Variants in CYRIA observed in about 807,000 individuals in gnomAD.
CYRIA encodes the protein CYFIP related Rac1 interactor A.
Under a neutral mutation model 43.9 loss-of-function variants are expected in CYRIA, and 15 were observed. The observed-to-expected ratio is 0.34, with a 90% CI of 0.23 to 0.53. The LOEUF (loss-of-function observed/expected upper bound fraction) is 0.53, where lower values mean the gene tolerates loss of function less well. CYRIA is among the 20% of genes least tolerant of loss of function. The pLI is 0.94. For missense variants in CYRIA, 236 were observed against 394.2 expected (o/e 0.60, Z 3.40); for synonymous variants, 117 against 136.0 (o/e 0.86, Z 0.97).
chr2:16,555,621 C>T lies in CYRIA; in HGVS notation c.838-482G>A, dbSNP rs998155004. ...CTGTTTGACTGGCAAACCCTTAACA[C>T]TTATTTTAGACCCAGCTGAAGATCA... On this transcript the variant is annotated intron_variant, in intron 10 of 11. Transcript: ENST00000381323. Among the ~76,000 whole-genome samples the T allele has an allele frequency of 5.3e-5, 8 of 152,254 alleles. No individual in the cohort carries two copies. In the South Asian group the frequency reaches 8.3e-4, roughly 16 times the overall value.
In CYRIA at chr2:16,650,542, C is replaced by G. The variant is rs1264043933; in HGVS notation, c.-167+15238G>C. 6.6e-6 allele frequency among the ~76,000 whole-genome samples: 1 copy of G among 152,216 alleles called. No individual in the cohort carries two copies. The highest frequency in any genetic ancestry group is 1.9e-4 in the East Asian group (1 of 5,196). ...AATAGAACAAATGCAGAACCTTCTCCGTTAAGCTTCATGGGCTGGCAGCCC... is the reference window on the plus strand; with the variant it reads ...AATAGAACAAATGCAGAACCTTCTCGGTTAAGCTTCATGGGCTGGCAGCCC... On this transcript the variant is annotated intron_variant, in intron 1 of 11. Coordinates refer to ENST00000381323, the MANE Select transcript of CYRIA (RefSeq NM_030797.4). This position sits in a 1 kb window ranked among gnomAD's most constrained non-coding sequence, Gnocchi z 4.1.
At chr2:16,638,859 T>C (rs184742300) in intron 1 of CYRIA, among the ~76,000 whole-genome samples, 96 of 152,216 alleles carry the variant, frequency 6.3e-4, no homozygotes, top group Non-Finnish European at 1.2e-3. Flanking sequence ...TCAAGTGACT[T>C]CACCAAGCCT....
chr2:16,664,034 A>C (rs1054555328), intron 1 of CYRIA, among the ~76,000 whole-genome samples: 1 of 152,220 alleles, frequency 6.6e-6, no homozygotes, highest in Non-Finnish European at 1.5e-5. Context: ...CCTCATCTGC[A>C]AAGTGGAAAG....
In CYRIA at chr2:16,660,563, G is replaced by T. The variant is rs182822017; in HGVS notation, c.-167+5217C>A. Among the ~76,000 whole-genome samples the T allele has an allele frequency of 1.9e-3, 293 of 152,296 alleles. 1 individual carries two copies. Among genetic ancestry groups the T allele is most frequent in the Non-Finnish European group, 2.6e-3 (180 of 68,028 alleles). On this transcript the variant is annotated intron_variant, in intron 1 of 11. Coordinates refer to ENST00000381323, the MANE Select transcript of CYRIA (RefSeq NM_030797.4). ...GAGGGAGAGCTACTTGAGGGCAGGG[G>T]TAATGTCATATTGATCACTGTATCC...
At chr2:16,619,131 T>G (rs1668909152) in intron 2 of CYRIA, among the ~76,000 whole-genome samples, 1 of 152,148 alleles carries the variant, frequency 6.6e-6, no homozygotes, top group Non-Finnish European at 1.5e-5. Context: ...TACCACGAAG[T>G]GCAGAGATCT....
intron 3 of CYRIA, among the ~76,000 whole-genome samples, chr2:16,575,947 C>T (rs1361925052): frequency 1.3e-5 from 2 of 152,136 alleles, no homozygotes; most frequent in Non-Finnish European, 2.9e-5. Context: ...TCTTTGCCTG[C>T]TGCCATCCAG....
chr2:16,602,602 T>C (rs1489388858), intron 2 of CYRIA, among the ~76,000 whole-genome samples: 1 of 152,144 alleles, frequency 6.6e-6, no homozygotes, highest in East Asian at 1.9e-4. Context: ...CTGGACTTCA[T>C]AATATACAGG....
intron 2 of CYRIA, among the ~76,000 whole-genome samples, chr2:16,607,387 G>A (rs920359150): frequency 2.6e-5 from 4 of 152,130 alleles, no homozygotes; most frequent in Non-Finnish European, 5.9e-5. Flanking sequence ...CTGAGTCGAC[G>A]AAGTTAGCCA....
intron 3 of CYRIA, among the ~76,000 whole-genome samples, chr2:16,586,254 A>C (rs1462796839): frequency 6.6e-6 from 1 of 152,180 alleles, no homozygotes; most frequent in African/African-American, 2.4e-5. Flanking sequence ...CAACAATGTA[A>C]AATGCATCTG....
Position 16,614,093 on chromosome 2 carries a change from A to T in CYRIA, c.-11+9771T>A, listed in dbSNP as rs369795820. On this transcript the variant is annotated intron_variant, in intron 2 of 11. Coordinates refer to ENST00000381323, the MANE Select transcript of CYRIA (RefSeq NM_030797.4). ...TGGAATCCTACCACAAGCTTATCAGAATGAGTTTCTATAACTCATTTAAAC... is the reference window on the plus strand; with the variant it reads ...TGGAATCCTACCACAAGCTTATCAGTATGAGTTTCTATAACTCATTTAAAC... 2.6e-5 allele frequency among the ~76,000 whole-genome samples: 4 copies of T among 152,368 alleles called. No homozygotes were observed. The East Asian group carries it at 7.7e-4, about 29-fold the overall frequency.
At chr2:16,656,679 G>T (rs1262973261) in intron 1 of CYRIA, among the ~76,000 whole-genome samples, 8 of 152,232 alleles carry the variant, frequency 5.3e-5, no homozygotes, top group Admixed American at 3.3e-4. Context: ...TTTTGATCTG[G>T]AAAATGTCAG....
chr2:16,587,222 T>C (rs918781049), intron 3 of CYRIA, among the ~76,000 whole-genome samples: 1 of 152,142 alleles, frequency 6.6e-6, no homozygotes, highest in African/African-American at 2.4e-5. Flanking sequence ...TTGATCACAA[T>C]TTTCTTTCAC....
chr2:16,588,206 C>G lies in CYRIA; in HGVS notation c.-10-77G>C, dbSNP rs950509580. The G allele has an allele frequency of 2.2e-5, 19 of 881,972 alleles. 1 individual carries two copies. The African/African-American group carries it at 2.6e-4, about 12-fold the overall frequency. The allele number at this position is 881,972 out of a possible 1,614,324, so 54.6% of individuals were successfully genotyped here. A position where few individuals can be genotyped will look rare whatever the true frequency, so the allele number is the denominator to read the frequency against. On this transcript the variant is annotated intron_variant, in intron 2 of 11. Transcript: ENST00000381323. ...ACTTGCGTGAATATCCCTGGGCCCC[C>G]CATAGCTACCTTTGAAGACCAGAAA...
intron 10 of CYRIA, among the ~76,000 whole-genome samples, chr2:16,558,183 CTA>C (rs1292876597): frequency 6.6e-6 from 1 of 152,048 alleles, no homozygotes; most frequent in Non-Finnish European, 1.5e-5. Flanking sequence ...ATTTAATTTA[CTA>C]TGTCTTGATT....
At chr2:16,587,255 T>C (rs894768221) in intron 3 of CYRIA, among the ~76,000 whole-genome samples, 4 of 152,154 alleles carry the variant, frequency 2.6e-5, no homozygotes, top group East Asian at 1.9e-4. Flanking sequence ...TTGTTTTATA[T>C]GAATCTTTGT....
At chr2:16,660,786 G>C (rs1394785872) in intron 1 of CYRIA, among the ~76,000 whole-genome samples, 1 of 152,134 alleles carries the variant, frequency 6.6e-6, no homozygotes, top group African/African-American at 2.4e-5. Context: ...GCAGACACCA[G>C]ACTCAGGCCC....
intron 1 of CYRIA, among the ~76,000 whole-genome samples, chr2:16,629,470 T>C (rs957184808): frequency 5.3e-5 from 8 of 152,222 alleles, no homozygotes; most frequent in African/African-American, 1.9e-4. Flanking sequence ...ACAGGTAAAG[T>C]GCAGAGCTAA....
At chr2:16,556,110 T>C (rs962073258) in intron 10 of CYRIA, among the ~76,000 whole-genome samples, 6 of 152,142 alleles carry the variant, frequency 3.9e-5, no homozygotes, top group African/African-American at 1.4e-4. Context: ...TGGATTTGGT[T>C]ATACTTAGGG....
At chr2:16,565,878 C>T in intron 3 of CYRIA, 111 bp from the exon 4 acceptor site, 2 of 1,054,104 alleles carry the variant, frequency 1.9e-6, no homozygotes, top group Non-Finnish European at 2.5e-6. Context: ...TCCTGCTGCT[C>T]TGGTATTTAC....
Sources: allele counts gnomAD v4.1 joint callset (sites outside exome capture counted in the v4.1 genomes callset), GRCh38; gene constraint gnomAD v4.1.1; non-coding constraint Gnocchi (gnomAD v3.1); transcripts MANE v1.5; gene names NCBI Gene and HGNC (gene_info 2026-07-23, HGNC 2026-07-21).